CEP112: variants seen among roughly 807,000 people sequenced by gnomAD.
CEP112 encodes the protein centrosomal protein 112, also known as centrosomal protein of 112 kDa.
In CEP112, 127 loss-of-function variants were observed where a neutral mutation model predicts 153.0. The ratio of observed to expected loss-of-function variants is 0.83; its 90% CI spans 0.72 to 0.96. CEP112 has a LOEUF of 0.96. Among genes scored for constraint, CEP112 ranks in the 40% least tolerant of loss-of-function variants. The pLI is 0.00. For synonymous variants in CEP112, 358 were observed against 374.4 expected (o/e 0.96, Z 0.51); for missense variants, 1,089 against 1,101.2 (o/e 0.99, Z 0.16).
intron 21 of CEP112, among the ~76,000 whole-genome samples, chr17:65,848,371 G>A (rs117079026): frequency 1.6e-4 from 24 of 152,284 alleles, no homozygotes; most frequent in Non-Finnish European, 2.6e-4. Context: ...TCCTTCCTGA[G>A]TTTGGGTCAC....
chr17:66,174,853 C>G (rs1362176966), intron 4 of CEP112, among the ~76,000 whole-genome samples, 191 bp downstream of exon 4: 1 of 151,842 alleles, frequency 6.6e-6, no homozygotes, highest in African/African-American at 2.4e-5. Context: ...ACTTGTCAAG[C>G]AATCAAAAAT....
At chr17:65,970,080 G>T (rs1209711541) in intron 17 of CEP112, among the ~76,000 whole-genome samples, 4 of 152,152 alleles carry the variant, frequency 2.6e-5, no homozygotes, top group African/African-American at 9.7e-5. Context: ...AAACATGCAT[G>T]CCACCTGCAT....
At chr17:65,720,430 G>A (rs1285760781) in intron 23 of CEP112, among the ~76,000 whole-genome samples, 2 of 152,172 alleles carry the variant, frequency 1.3e-5, no homozygotes, top group African/African-American at 4.8e-5. Context: ...AGGGTTTCAA[G>A]GCAAGAGACA....
chr17:66,129,768 C>A lies in CEP112; in HGVS notation c.620G>T (p.Arg207Leu), dbSNP rs549226002. 2.5e-6 allele frequency: 4 copies of A among 1,611,420 alleles called. No individual in the cohort carries two copies. Among genetic ancestry groups the A allele is most frequent in the Admixed American group, 1.7e-5 (1 of 59,762 alleles). ...VSLDDSDIEA[R>L]LNSWNLGIEN... ...TACCCCAAGATTCCAACTATTAAGG[C>A]GAGCTTCAATGTCACTATCATCCAA... Residue 207 changes from arginine (R) to leucine (L), a missense_variant, in exon 6 of 27, where the codon CGC (arginine) becomes CTC (leucine). Transcript: ENST00000535342.
chr17:66,078,536 G>T (rs141672294), intron 8 of CEP112, among the ~76,000 whole-genome samples: 2,527 of 152,186 alleles, frequency 0.017, 62 homozygotes, highest in African/African-American at 0.057. Context: ...GATTACAGGC[G>T]TGAGCCACTG....
chr17:66,042,213 G>A (rs1259942050), intron 12 of CEP112, among the ~76,000 whole-genome samples: 1 of 152,054 alleles, frequency 6.6e-6, no homozygotes, highest in Non-Finnish European at 1.5e-5. Context: ...AGCTGGGCAT[G>A]GTGGCACACA....
At chr17:65,914,076 CA>C (rs2060384266) in intron 19 of CEP112, among the ~76,000 whole-genome samples, 2 of 151,548 alleles carry the variant, frequency 1.3e-5, no homozygotes, top group Non-Finnish European at 2.9e-5. Context: ...TCAAGCCACA[CA>C]AATTGAGAAA....
intron 21 of CEP112, among the ~76,000 whole-genome samples, chr17:65,837,497 C>A (rs1213966854): frequency 6.6e-6 from 1 of 151,994 alleles, no homozygotes; most frequent in Non-Finnish European, 1.5e-5. Context: ...CCGCTGCCAC[C>A]CCGTCTGGGA....
chr17:65,717,556 G>A (rs116068543), intron 23 of CEP112, among the ~76,000 whole-genome samples: 2,658 of 152,196 alleles, frequency 0.017, 76 homozygotes, highest in African/African-American at 0.06. Context: ...CTGGTTCCAG[G>A]GCTTAACCAA....
intron 21 of CEP112, among the ~76,000 whole-genome samples, chr17:65,761,400 C>A (rs1050682826): frequency 3.3e-5 from 5 of 151,930 alleles, no homozygotes; most frequent in African/African-American, 1.2e-4. Flanking sequence ...ATGACACTGC[C>A]TTTGGCTCTG....
chr17:65,794,979 C>T (rs117672339), intron 21 of CEP112, among the ~76,000 whole-genome samples: 1 of 152,222 alleles, frequency 6.6e-6, no homozygotes, highest in African/African-American at 2.4e-5. Flanking sequence ...CAGTATCTGA[C>T]ACAAGGCAGG....
intron 21 of CEP112, among the ~76,000 whole-genome samples, chr17:65,808,476 T>C (rs922650271): frequency 6.6e-6 from 1 of 152,182 alleles, no homozygotes; most frequent in African/African-American, 2.4e-5. Context: ...TAGAATGATA[T>C]GGTTTGGCTC....
At chr17:65,835,063 G>T (rs1249169070) in intron 21 of CEP112, among the ~76,000 whole-genome samples, 1 of 151,924 alleles carries the variant, frequency 6.6e-6, no homozygotes, top group African/African-American at 2.4e-5. Context: ...GGAGATGGAG[G>T]CTATTATCCT....
chr17:66,189,664 A>G (rs565019899), intron 1 of CEP112, among the ~76,000 whole-genome samples: 1 of 152,270 alleles, frequency 6.6e-6, no homozygotes, highest in South Asian at 2.1e-4. Context: ...TTTTTCTCCA[A>G]AAAAATAAAG....
intron 17 of CEP112, among the ~76,000 whole-genome samples, chr17:65,989,008 A>C (rs1315798750): frequency 2.0e-5 from 3 of 152,018 alleles, no homozygotes; most frequent in Non-Finnish European, 2.9e-5. Context: ...GCAGATCACC[A>C]GGTCAGGAGA....
intron 23 of CEP112, among the ~76,000 whole-genome samples, chr17:65,721,529 G>A (rs995028082): frequency 6.6e-6 from 1 of 152,176 alleles, no homozygotes; most frequent in Non-Finnish European, 1.5e-5. Flanking sequence ...GAATGCTGCT[G>A]TATTGATCTC....
chr17:66,067,029 ACACAC>A, intron 9 of CEP112, 152 bp from the exon 10 acceptor site: 1 of 327,408 alleles, frequency 3.1e-6, no homozygotes, highest in Non-Finnish European at 5.4e-6. Flanking sequence ...ACACACACAC[ACACAC>A]ACACACACAC....
At chr17:65,995,833 C>T (rs903676275) in intron 17 of CEP112, among the ~76,000 whole-genome samples, 1 of 152,104 alleles carries the variant, frequency 6.6e-6, no homozygotes, top group Non-Finnish European at 1.5e-5. Context: ...ATACTGTTCT[C>T]GTGCAGTGAA....
chr17:66,025,141 TG>T (rs1229305419), intron 16 of CEP112, among the ~76,000 whole-genome samples: 4 of 152,062 alleles, frequency 2.6e-5, no homozygotes, highest in Non-Finnish European at 5.9e-5. Flanking sequence ...CAACTCAAGA[TG>T]GATCAAAGAA....
Sources: gnomAD v4.1 joint callset for allele counts (sites outside exome capture counted in the v4.1 genomes callset) on GRCh38, gnomAD v4.1.1 for gene constraint, MANE v1.5 for transcripts, NCBI Gene and HGNC (gene_info 2026-07-23, HGNC 2026-07-21) for gene names.